Variants in CDH18 observed in about 807,000 individuals in gnomAD.
CDH18 encodes cadherin-18.
In CDH18, 31 loss-of-function variants were observed where a neutral mutation model predicts 67.9. The ratio of observed to expected loss-of-function variants is 0.46; its 90% CI spans 0.34 to 0.62. The LOEUF is 0.62. Among genes scored for constraint, CDH18 ranks in the 20% least tolerant of loss-of-function variants. The probability of loss-of-function intolerance (pLI) is 0.01; values close to 1 mark genes in which losing one functional copy is unlikely to be tolerated. For missense variants in CDH18, 890 were observed against 975.5 expected (o/e 0.91, Z 1.17); for synonymous variants, 362 against 347.2 (o/e 1.04, Z -0.48).
intron 1 of CDH18, among the ~76,000 whole-genome samples, chr5:20,424,109 C>T (rs1748088578): frequency 6.7e-6 from 1 of 150,096 alleles, no homozygotes; most frequent in Non-Finnish European, 1.5e-5. Flanking sequence ...CCCAGAAGGA[C>T]TACACAAAGA....
chr5:20,326,529 C>T, intron 1 of CDH18, among the ~76,000 whole-genome samples: 1 of 149,608 alleles, frequency 6.7e-6, no homozygotes, highest in South Asian at 2.1e-4. Context: ...AAATATTAAA[C>T]ATATTTACTT....
At chr5:20,151,507 T>C (rs1358682270) in intron 2 of CDH18, among the ~76,000 whole-genome samples, 2 of 152,128 alleles carry the variant, frequency 1.3e-5, no homozygotes, top group Non-Finnish European at 2.9e-5. Flanking sequence ...ATATACCCAA[T>C]AATGGGATTG....
chr5:19,723,256 C>T (rs1015681364), intron 4 of CDH18, among the ~76,000 whole-genome samples: 75 of 150,966 alleles, frequency 5.0e-4, no homozygotes, highest in African/African-American at 1.6e-3. Flanking sequence ...GCAACAAGAG[C>T]GAAACTCTGT....
At chr5:20,512,884 CAA>C (rs71695578) in intron 1 of CDH18, among the ~76,000 whole-genome samples, 65,552 of 125,506 alleles carry the variant, frequency 0.52, 15,263 homozygotes, top group East Asian at 0.61. Flanking sequence ...ACTCTGTCTC[CAA>C]AAAAAAAAAA....
intron 2 of CDH18, among the ~76,000 whole-genome samples, chr5:20,247,495 A>C (rs1464049736): frequency 6.6e-6 from 1 of 152,172 alleles, no homozygotes; most frequent in African/African-American, 2.4e-5. Flanking sequence ...GGCTGGGCAC[A>C]GTGGCTCACG....
intron 3 of CDH18, among the ~76,000 whole-genome samples, chr5:19,811,150 GAAAGAAAGAA>G (rs1778673049): frequency 2.8e-5 from 1 of 36,344 alleles, no homozygotes; most frequent in East Asian, 4.2e-4. Flanking sequence ...AAGAAAGAAA[GAAAGAAAGAA>G]GGAGAGAAAG....
chr5:19,927,205 T>C (rs888712234), intron 2 of CDH18, among the ~76,000 whole-genome samples: 1 of 152,200 alleles, frequency 6.6e-6, no homozygotes, highest in African/African-American at 2.4e-5. Flanking sequence ...TATGCTAACC[T>C]GCTCATAAAG....
chr5:19,976,413 A>G (rs528957558), intron 2 of CDH18, among the ~76,000 whole-genome samples: 1 of 152,226 alleles, frequency 6.6e-6, no homozygotes, highest in South Asian at 2.1e-4. Context: ...TTGTTGTTTC[A>G]GTACAGAGTG....
At chr5:20,062,583 G>A (rs1307669911) in intron 2 of CDH18, among the ~76,000 whole-genome samples, 1 of 152,152 alleles carries the variant, frequency 6.6e-6, no homozygotes, top group African/African-American at 2.4e-5. Flanking sequence ...TAACCAGCAT[G>A]AGAACATTTC....
At chr5:20,050,471 A>G (rs995518892) in intron 2 of CDH18, among the ~76,000 whole-genome samples, 1 of 151,794 alleles carries the variant, frequency 6.6e-6, no homozygotes, top group Non-Finnish European at 1.5e-5. Flanking sequence ...TGGTTTACAA[A>G]TGTTTAAGCT....
At chr5:20,400,954 C>G (rs368817272) in intron 1 of CDH18, among the ~76,000 whole-genome samples, 5 of 152,202 alleles carry the variant, frequency 3.3e-5, no homozygotes, top group African/African-American at 9.6e-5. Context: ...TCAGACACCA[C>G]ACCTTACTTA....
intron 1 of CDH18, among the ~76,000 whole-genome samples, chr5:20,459,604 G>A (rs948941578): frequency 1.3e-5 from 2 of 152,048 alleles, no homozygotes; most frequent in Non-Finnish European, 2.9e-5. Flanking sequence ...TAGACTTCCT[G>A]CCTCTGTGTA....
At chr5:19,971,248 A>C (rs1302477668) in intron 2 of CDH18, among the ~76,000 whole-genome samples, 1 of 152,026 alleles carries the variant, frequency 6.6e-6, no homozygotes, top group African/African-American at 2.4e-5. Context: ...AATATCATAA[A>C]AATAACATTT....
At chr5:19,566,022 GA>G (rs35307428) in intron 8 of CDH18, among the ~76,000 whole-genome samples, 12,949 of 148,344 alleles carry the variant, frequency 0.087, 685 homozygotes, top group African/African-American at 0.15. Flanking sequence ...CAAATCTATA[GA>G]AAAAAAAAAT....
At chr5:19,997,952 T>A (rs137899518) in intron 2 of CDH18, among the ~76,000 whole-genome samples, 42 of 152,230 alleles carry the variant, frequency 2.8e-4, no homozygotes, top group Middle Eastern at 6.8e-3. Context: ...ACAGGGTGTT[T>A]AAAGATGTTC....
intron 1 of CDH18, among the ~76,000 whole-genome samples, chr5:20,514,527 G>A (rs747026519): frequency 5.3e-5 from 8 of 152,052 alleles, no homozygotes; most frequent in Non-Finnish European, 7.4e-5. Flanking sequence ...TTTGATGATC[G>A]TTGACAAGGG....
intron 5 of CDH18, among the ~76,000 whole-genome samples, chr5:19,613,592 C>T (rs1749350330): frequency 6.6e-6 from 1 of 151,904 alleles, no homozygotes; most frequent in African/African-American, 2.4e-5. Flanking sequence ...CATGATGAAC[C>T]CTTGGATTGA....
At chr5:20,235,460 G>A (rs559840553) in intron 2 of CDH18, among the ~76,000 whole-genome samples, 39 of 152,178 alleles carry the variant, frequency 2.6e-4, no homozygotes, top group African/African-American at 8.9e-4. Context: ...TAAAAAGTGG[G>A]CCAAGGTCAT....
At chr5:20,276,240 A>T (rs1408060158) in intron 1 of CDH18, among the ~76,000 whole-genome samples, 1 of 152,204 alleles carries the variant, frequency 6.6e-6, no homozygotes, top group Non-Finnish European at 1.5e-5. Context: ...CTCCTCTGCT[A>T]ATCCCAGGGA....
Sources: gnomAD v4.1 joint callset for allele counts (sites outside exome capture counted in the v4.1 genomes callset) on GRCh38, gnomAD v4.1.1 for gene constraint, MANE v1.5 for transcripts, NCBI Gene and HGNC (gene_info 2026-07-23, HGNC 2026-07-21) for gene names.